DPP10: variants seen among roughly 807,000 people sequenced by gnomAD.
DPP10 encodes the protein dipeptidyl peptidase like 10, also known as inactive dipeptidyl peptidase 10.
A neutral mutation model predicts 120.9 loss-of-function variants in DPP10; 33 were observed. That is an observed-to-expected ratio of 0.27 (90% CI 0.21 to 0.37). The LOEUF is 0.37. Among genes scored for constraint, DPP10 ranks in the 10% least tolerant of loss-of-function variants. The pLI is 1.00. For synonymous variants in DPP10, 337 were observed against 326.1 expected (o/e 1.03, Z -0.36); for missense variants, 816 against 942.8 (o/e 0.87, Z 1.76).
At chr2:115,317,579 GAAAT>G (rs1354862244) in intron 2 of DPP10, among the ~76,000 whole-genome samples, 3 of 151,396 alleles carry the variant, frequency 2.0e-5, no homozygotes, top group Non-Finnish European at 4.4e-5. Context: ...ATTCCCAACA[GAAAT>G]ATTCATGTGT....
chr2:115,251,118 C>T (rs1290174154), intron 1 of DPP10, among the ~76,000 whole-genome samples: 1 of 152,128 alleles, frequency 6.6e-6, no homozygotes, highest in African/African-American at 2.4e-5. Flanking sequence ...GGTCTGTGGA[C>T]TTTGGGAACT....
chr2:115,036,231 C>T (rs1704218566), intron 1 of DPP10, among the ~76,000 whole-genome samples: 1 of 152,166 alleles, frequency 6.6e-6, no homozygotes, highest in African/African-American at 2.4e-5. Context: ...GACTCACTCA[C>T]TATCACGAGG....
chr2:115,182,654 G>A lies in DPP10; in HGVS notation c.61-126585G>A, dbSNP rs1213296015. Among the ~76,000 whole-genome samples, 3 of 151,874 alleles carry A rather than the reference G, an allele frequency of 2.0e-5. No individual in the cohort carries two copies. In the East Asian group the frequency reaches 5.8e-4, roughly 29 times the overall value. On this transcript the variant is annotated intron_variant, in intron 1 of 25. Transcript: ENST00000410059. ...GCAAAGTGTAGATACTCCTTTCTATGGAATATAACCCTAGTCATGACAAGT... is the reference window on the plus strand; with the variant it reads ...GCAAAGTGTAGATACTCCTTTCTATAGAATATAACCCTAGTCATGACAAGT...
At chr2:114,538,216 T>C (rs946091720) in intron 1 of DPP10, among the ~76,000 whole-genome samples, 10 of 152,212 alleles carry the variant, frequency 6.6e-5, no homozygotes, top group Non-Finnish European at 1.5e-4. Context: ...ACGGTGTGTC[T>C]ACTGACCTGG....
intron 5 of DPP10, among the ~76,000 whole-genome samples, chr2:115,592,317 G>T (rs2082710229): frequency 6.6e-6 from 1 of 152,140 alleles, no homozygotes; most frequent in Non-Finnish European, 1.5e-5. Flanking sequence ...TGACTGGCAA[G>T]GGTGGTCTTG....
At chr2:114,592,805 C>T (rs144091448) in intron 1 of DPP10, among the ~76,000 whole-genome samples, 299 of 152,238 alleles carry the variant, frequency 2.0e-3, no homozygotes, top group African/African-American at 6.9e-3. Context: ...AATATATACT[C>T]TCATCTACTA....
intron 1 of DPP10, among the ~76,000 whole-genome samples, chr2:114,859,913 G>T (rs1465547533): frequency 1.3e-5 from 2 of 152,136 alleles, no homozygotes; most frequent in African/African-American, 4.8e-5. Flanking sequence ...CATCATCTGG[G>T]GATCCTATTA....
intron 7 of DPP10, among the ~76,000 whole-genome samples, chr2:115,701,020 C>T (rs1363077466): frequency 6.6e-6 from 1 of 152,098 alleles, no homozygotes; most frequent in Non-Finnish European, 1.5e-5. Context: ...ATGCCCAACA[C>T]AATCTACAGA....
intron 1 of DPP10, among the ~76,000 whole-genome samples, chr2:114,633,954 C>T (rs1695132064): frequency 6.6e-6 from 1 of 151,756 alleles, no homozygotes; most frequent in South Asian, 2.1e-4. Flanking sequence ...TTACAATTTG[C>T]TTTATCCTAA....
intron 1 of DPP10, among the ~76,000 whole-genome samples, chr2:114,728,821 T>A (rs10153778): frequency 6.6e-6 from 1 of 152,220 alleles, no homozygotes; most frequent in Non-Finnish European, 1.5e-5. Context: ...GGGGTGGTGC[T>A]TGAGGCAAAA....
intron 8 of DPP10, among the ~76,000 whole-genome samples, chr2:115,738,146 T>C (rs1300974600): frequency 2.0e-5 from 3 of 152,184 alleles, no homozygotes; most frequent in African/African-American, 4.8e-5. Flanking sequence ...GTTATGAATA[T>C]CTTTGTCTTA....
intron 1 of DPP10, among the ~76,000 whole-genome samples, chr2:114,479,564 A>G (rs994608419): frequency 6.6e-6 from 1 of 152,170 alleles, no homozygotes; most frequent in African/African-American, 2.4e-5. Flanking sequence ...AATGCCGCAT[A>G]TCTACAACTA....
chr2:115,126,395 C>A (rs1363482853), intron 1 of DPP10, among the ~76,000 whole-genome samples: 1 of 152,174 alleles, frequency 6.6e-6, no homozygotes, highest in African/African-American at 2.4e-5. Context: ...AGCCACTGCA[C>A]CTGGCCACAT....
At chr2:115,200,688 T>C (rs905512502) in intron 1 of DPP10, among the ~76,000 whole-genome samples, 3 of 152,266 alleles carry the variant, frequency 2.0e-5, no homozygotes, top group Admixed American at 6.5e-5. Context: ...CAGAATGTTC[T>C]ACCTAGGACC....
At chr2:114,923,487 T>C (rs1695361923) in intron 1 of DPP10, among the ~76,000 whole-genome samples, 2 of 132,682 alleles carry the variant, frequency 1.5e-5, no homozygotes, top group African/African-American at 5.7e-5. Flanking sequence ...TTTTTTTTTT[T>C]TTTTTTTTTT....
rs1260957074 is a variant in DPP10, at chr2:115,746,124, A to G, written c.891A>G (p.Val297=). The G allele has an allele frequency of 1.2e-6, 2 of 1,612,106 alleles. No homozygotes were observed. Among genetic ancestry groups the G allele is most frequent in the Admixed American group, 3.4e-5 (2 of 59,474 alleles). Residue 297 remains valine, a synonymous_variant, in exon 10 of 26, where the codon GTA becomes GTG. Transcript: ENST00000410059. ...ACCCAACAATAAAATTATATGTTGT[A>G]AACCTGTATGGACCAACTCACACTT... ...QVNPTIKLYV[V]NLYGPTHTLE...
At chr2:115,797,173 A>C (rs1684633695) in intron 19 of DPP10, among the ~76,000 whole-genome samples, 1 of 152,056 alleles carries the variant, frequency 6.6e-6, no homozygotes, top group Non-Finnish European at 1.5e-5. Context: ...ACAAATCATG[A>C]CTGAGTTCAT....
intron 3 of DPP10, among the ~76,000 whole-genome samples, chr2:115,393,698 G>A (rs1244412208): frequency 6.6e-6 from 1 of 152,176 alleles, no homozygotes; most frequent in Non-Finnish European, 1.5e-5. Flanking sequence ...CTCATAGAAG[G>A]CAGAAATTTA....
intron 1 of DPP10, among the ~76,000 whole-genome samples, chr2:114,512,690 G>T (rs573212880): frequency 1.3e-5 from 2 of 152,274 alleles, no homozygotes; most frequent in South Asian, 2.1e-4. Context: ...GAGTTTTCTC[G>T]TTCATGTATG....
Sources: allele counts gnomAD v4.1 joint callset (sites outside exome capture counted in the v4.1 genomes callset), GRCh38; gene constraint gnomAD v4.1.1; transcripts MANE v1.5; gene names NCBI Gene and HGNC (gene_info 2026-07-23, HGNC 2026-07-21).